HMMR: variants seen among roughly 807,000 people sequenced by gnomAD.
HMMR encodes hyaluronan mediated motility receptor, also known as intracellular hyaluronic acid-binding protein.
HMMR carries 108 observed loss-of-function variants against 101.0 expected under a neutral mutation model. The ratio of observed to expected loss-of-function variants is 1.07; its 90% CI spans 0.92 to 1.25. The LOEUF is 1.25. Ranked by LOEUF, HMMR falls within the 50% of genes most tolerant of loss-of-function variation. The probability of loss-of-function intolerance (pLI) is 0.00; values close to 1 mark genes in which losing one functional copy is unlikely to be tolerated. For synonymous variants in HMMR, 296 were observed against 276.4 expected (o/e 1.07, Z -0.70); for missense variants, 813 against 788.7 (o/e 1.03, Z -0.37).
At chr5:163,461,706 C>A (rs980651524) in intron 1 of HMMR, among the ~76,000 whole-genome samples, 1 of 151,942 alleles carries the variant, frequency 6.6e-6, no homozygotes, top group Admixed American at 6.6e-5. Context: ...TGGCGTGAAC[C>A]CGGGAGGCGG....
At chr5:163,475,008 A>C (rs1038299656) in intron 10 of HMMR, among the ~76,000 whole-genome samples, 2 of 151,986 alleles carry the variant, frequency 1.3e-5, no homozygotes, top group African/African-American at 2.4e-5. Flanking sequence ...AACTAAAATT[A>C]GGGGGGGAAG....
chr5:163,467,842 T>A, intron 4 of HMMR, 94 bp downstream of exon 4: 1 of 759,690 alleles, frequency 1.3e-6, no homozygotes, highest in Admixed American at 2.5e-5. Context: ...GTGTGAGGAG[T>A]CCTGCAGTGA....
Position 163,491,155 on chromosome 5 carries a change from A to G in HMMR, c.2169A>G (p.Ser723=), listed in dbSNP as rs752071249. The G allele has an allele frequency of 3.9e-6, 6 of 1,550,286 alleles. 1 individual carries two copies. The Admixed American group carries it at 9.3e-5, about 24-fold the overall frequency. The change falls in exon 18 of 18, where the codon TCA becomes TCG. Residue 723 remains serine (S), a synonymous_variant. Coordinates refer to ENST00000393915, the MANE Select transcript of HMMR (RefSeq NM_001142556.2). ...CYRAPMECQE[S]WK is the part of the protein sequence containing the mutation. ...GAGCTCCTATGGAGTGTCAAGAATC[A>G]TGGAAGTAAACATCTGAGAAACCTG...
chr5:163,478,719 A>C lies in HMMR; in HGVS notation c.1304A>C (p.His435Pro). 2 of 1,613,322 alleles carry C rather than the reference A, an allele frequency of 1.2e-6. No homozygotes were observed. The highest frequency in any genetic ancestry group is 1.7e-6 in the Non-Finnish European group (2 of 1,179,306). The stretch of plus-strand genomic sequence containing the variant: ...GAACTGGAGAAAAGTAGTGCTGCTC[A>C]TACCCAGGCCACCCTGCTTTTGCAG... ...EAELEKSSAA[H>P]TQATLLLQEK... Residue 435 changes from histidine to proline, a missense_variant, in exon 12 of 18, where the codon CAT becomes CCT. By Grantham distance (77) the His-to-Pro change is moderately conservative (BLOSUM62 -2). Transcript: ENST00000393915.
Position 163,475,543 on chromosome 5 carries a change from A to T in HMMR, c.1139A>T (p.Lys380Met). 6.2e-7 allele frequency: 1 copy of T among 1,610,178 alleles called. No individual in the cohort carries two copies. The highest frequency in any genetic ancestry group is 1.1e-5 in the South Asian group (1 of 90,954). ...AAGAATCTGTTTGAGGAAGAATTAA[A>T]GCAAACACTGGATGAGCTTGATAAA... ...KEKNLFEEELKQTLDELDKLQ... is the reference protein window; with the variant it reads ...KEKNLFEEELMQTLDELDKLQ... The change falls in exon 11 of 18, where the codon AAG becomes ATG. Residue 380 changes from lysine (K) to methionine (M), a missense_variant. Coordinates refer to ENST00000393915, the MANE Select transcript of HMMR (RefSeq NM_001142556.2).
Position 163,469,390 on chromosome 5 carries a change from T to C in HMMR, c.274-251T>C, listed in dbSNP as rs191823575. 2.1e-5 allele frequency among the ~76,000 whole-genome samples: 3 copies of C among 141,840 alleles called. No homozygotes were observed. In the Admixed American group the frequency reaches 2.1e-4, roughly 10 times the overall value. 93.1% of individuals were successfully genotyped at this position (141,840 alleles called of 152,430 possible). A position where few individuals can be genotyped will look rare whatever the true frequency, so the allele number is the denominator to read the frequency against. On this transcript the variant is annotated intron_variant, in intron 4 of 17. Transcript: ENST00000393915. ...CATCTCAAAAAAAAAAAAAAAAAAG[T>C]GAATAGATAGCTTAATTGTACTTGG...
chr5:163,482,632 T>G lies in HMMR; in HGVS notation c.1386-10T>G. The G allele has an allele frequency of 6.3e-7, 1 of 1,589,288 alleles. No homozygotes were observed. The highest frequency in any genetic ancestry group is 8.6e-7 in the Non-Finnish European group (1 of 1,165,340). ...GAAAACTACTTTGACTTTTTTTTCT[T>G]TTTAATAAGCTATAAAGCGTTAACA... On this transcript the variant is annotated splice_polypyrimidine_tract_variant and intron_variant, in intron 12 of 17. Coordinates refer to ENST00000393915, the MANE Select transcript of HMMR (RefSeq NM_001142556.2).
intron 11 of HMMR, among the ~76,000 whole-genome samples, chr5:163,476,727 C>T (rs1045452464): frequency 1.3e-5 from 2 of 152,140 alleles, no homozygotes; most frequent in African/African-American, 4.8e-5. Context: ...CTCTTATTTA[C>T]AGTAGAAAGA....
intron 3 of HMMR, among the ~76,000 whole-genome samples, chr5:163,466,884 T>G (rs948070590): frequency 3.3e-5 from 5 of 152,204 alleles, no homozygotes. Flanking sequence ...ATAGACACTC[T>G]TTTCTTAGAA....
rs1191575551 is a variant in HMMR at position 163,484,182 on chromosome 5, G to T, written c.1899G>T (p.Gln633His). Residue 633 changes from glutamine (Q) to histidine (H), a missense_variant, in exon 16 of 18, where the codon CAG (glutamine) becomes CAT (histidine). Gln to His is a conservative substitution (Grantham distance 24). Transcript: ENST00000393915. The stretch of plus-strand genomic sequence containing the variant: ...CATATGCTAAATTATTGGGTCATCA[G>T]AATTTGAAACAAAAAATCAAGCATG... ...RDSYAKLLGHQNLKQKIKHVV... is the reference protein window; with the variant it reads ...RDSYAKLLGHHNLKQKIKHVV... 1 of 1,605,734 alleles carries T rather than the reference G, an allele frequency of 6.2e-7. No homozygotes were observed. Among genetic ancestry groups the T allele is most frequent in the East Asian group, 2.2e-5 (1 of 44,462 alleles).
chr5:163,461,924 T>TGC (rs74671987), intron 1 of HMMR, among the ~76,000 whole-genome samples: 23,546 of 152,118 alleles, frequency 0.15, 2,133 homozygotes, highest in East Asian at 0.48. Flanking sequence ...GCACAATCAG[T>TGC]AAGTGGTAGA....
At chr5:163,482,294 C>A (rs2113503379) in intron 12 of HMMR, among the ~76,000 whole-genome samples, 1 of 152,316 alleles carries the variant, frequency 6.6e-6, no homozygotes, top group South Asian at 2.1e-4. Flanking sequence ...CCTCATGCCA[C>A]CAGCTTCTGC....
intron 4 of HMMR, among the ~76,000 whole-genome samples, chr5:163,468,552 C>T (rs551662894): frequency 3.9e-5 from 6 of 152,262 alleles, no homozygotes; most frequent in East Asian, 3.9e-4. Context: ...TGATTACAGT[C>T]GAATGTTGGC....
intron 3 of HMMR, chr5:163,465,226 G>C (rs997201882): frequency 1.2e-5 from 2 of 166,002 alleles, no homozygotes; most frequent in African/African-American, 4.8e-5. Context: ...CTGTTAAGGA[G>C]TGGTGAGAGA....
chr5:163,488,001 G>A (rs111388125), intron 16 of HMMR, among the ~76,000 whole-genome samples: 3 of 151,904 alleles, frequency 2.0e-5, no homozygotes, highest in African/African-American at 7.2e-5. Flanking sequence ...GACTACAGGC[G>A]TGCGCCACCA....
intron 3 of HMMR, among the ~76,000 whole-genome samples, chr5:163,466,219 AGATT>A (rs2113459968): frequency 6.6e-6 from 1 of 152,254 alleles, no homozygotes; most frequent in Non-Finnish European, 1.5e-5. Context: ...GTGAGCCGAG[AGATT>A]GCACCACTGC....
intron 5 of HMMR, 86 bp from the exon 6 acceptor site, chr5:163,471,099 A>G: frequency 1.3e-6 from 1 of 799,254 alleles, no homozygotes; most frequent in Non-Finnish European, 2.1e-6. Context: ...AACCCCAGTG[A>G]TAGGTAGAAA....
intron 16 of HMMR, among the ~76,000 whole-genome samples, chr5:163,488,599 C>T (rs1759567124): frequency 6.6e-6 from 1 of 152,156 alleles, no homozygotes; most frequent in African/African-American, 2.4e-5. Context: ...TGTTGCTGTT[C>T]AGGGAGGTAC....
Position 163,461,207 on chromosome 5 carries a change from T to C in HMMR, c.46+469T>C, listed in dbSNP as rs140511658. Among the ~76,000 whole-genome samples the C allele has an allele frequency of 7.7e-4, 117 of 152,200 alleles. No homozygotes were observed. The East Asian group carries it at 0.02, about 26-fold the overall frequency. On this transcript the variant is annotated intron_variant, in intron 1 of 17. Coordinates refer to ENST00000393915, the MANE Select transcript of HMMR (RefSeq NM_001142556.2). Reference sequence around the variant, plus strand: ...GGTGTAAAATTAGAGCAGCAGCACTTATTGAAAACATAAACAATGAAGTTA... The same window carrying C: ...GGTGTAAAATTAGAGCAGCAGCACTCATTGAAAACATAAACAATGAAGTTA...
Sources: allele counts gnomAD v4.1 joint callset (sites outside exome capture counted in the v4.1 genomes callset), GRCh38; gene constraint gnomAD v4.1.1; transcripts MANE v1.5; gene names NCBI Gene and HGNC (gene_info 2026-07-23, HGNC 2026-07-21).